EIF2B1: variants seen among roughly 807,000 people sequenced by gnomAD.
EIF2B1 encodes eukaryotic translation initiation factor 2B subunit alpha.
In EIF2B1, 30 loss-of-function variants were observed where a neutral mutation model predicts 36.8. The ratio of observed to expected loss-of-function variants is 0.81; its 90% CI spans 0.61 to 1.10. The LOEUF is 1.10. EIF2B1 is among the 50% of genes least tolerant of loss of function. The pLI, the probability that EIF2B1 is intolerant of heterozygous loss-of-function variation, is 0.00. For missense variants in EIF2B1, 271 were observed against 374.8 expected, an observed-to-expected ratio of 0.72 and a Z score of 2.29; for synonymous variants, 139 against 142.2, an observed-to-expected ratio of 0.98 and a Z score of 0.16.
chr12:123,633,554 C>G lies in EIF2B1; in HGVS notation c.4G>C (p.Asp2His). 1 of 1,612,856 alleles carries G rather than the reference C, an allele frequency of 6.2e-7. No homozygotes were observed. The highest frequency in any genetic ancestry group is 1.7e-4 in the Middle Eastern group (1 of 6,054). M[D>H]DKELIEYFKS... ...GCCTGTCTTGATTTACCCTTGTCGT[C>G]CATGGCGTCCTCCTGCTGCGGAGCC... Residue 2 changes from aspartate to histidine, a missense_variant, in exon 1 of 9, where the codon GAC becomes CAC. Coordinates refer to ENST00000424014, the MANE Select transcript of EIF2B1 (RefSeq NM_001414.4).
Position 123,624,780 on chromosome 12 carries a change from C to T in EIF2B1, c.627+7G>A, listed in dbSNP as rs762734045. 5 of 1,613,306 alleles carry T rather than the reference C, an allele frequency of 3.1e-6. No homozygotes were observed. Among genetic ancestry groups the T allele is most frequent in the South Asian group, 2.2e-5 (2 of 91,058 alleles). On this transcript the variant is annotated splice_region_variant and intron_variant, in intron 7 of 8. Coordinates refer to ENST00000424014, the MANE Select transcript of EIF2B1 (RefSeq NM_001414.4). ...AGCAGGGAACTGGGGAGAACTGATG[C>T]TCTTACCTTGTTAATAATTCCTCCG...
intron 8 of EIF2B1, 55 bp from the exon 9 acceptor site, chr12:123,621,975 T>C (rs1955104426): frequency 1.9e-6 from 3 of 1,602,256 alleles, no homozygotes; most frequent in Middle Eastern, 3.8e-4. Flanking sequence ...TCTGACCTGG[T>C]AGGGCCTTGG....
intron 6 of EIF2B1, among the ~76,000 whole-genome samples, chr12:123,625,129 C>T (rs1955138796): frequency 1.3e-5 from 2 of 152,202 alleles, no homozygotes; most frequent in Admixed American, 1.3e-4. Flanking sequence ...CAAGAATGTC[C>T]TGACACAGCA....
At chr12:123,631,922 C>T (rs779967207) in intron 2 of EIF2B1, among the ~76,000 whole-genome samples, 17 of 151,866 alleles carry the variant, frequency 1.1e-4, no homozygotes, top group East Asian at 1.9e-4. Context: ...TGCAGTGAGC[C>T]GAGATTGTGC....
Position 123,622,708 on chromosome 12 carries a change from ATAGAAAGGT to A in EIF2B1, c.672_680del (p.Lys224_Tyr227delinsAsn). 6.2e-7 allele frequency: 1 copy of A among 1,614,184 alleles called. No individual in the cohort carries two copies. The highest frequency in any genetic ancestry group is 8.5e-7 in the Non-Finnish European group (1 of 1,180,008). ...CAAACTTGAAACTTTCTGCAACCAC[ATAGAAAGGT>A]TTGTTCTGTGCTTTGGCACACACAG... On this transcript the variant is annotated inframe_deletion, in exon 8 of 9. Coordinates refer to ENST00000424014, the MANE Select transcript of EIF2B1 (RefSeq NM_001414.4).
chr12:123,632,750 T>A (rs975918413), intron 1 of EIF2B1, among the ~76,000 whole-genome samples: 72 of 151,300 alleles, frequency 4.8e-4, no homozygotes, highest in Admixed American at 1.6e-3. Flanking sequence ...ATCGAGACCA[T>A]CCCGGCTAAA....
intron 2 of EIF2B1, among the ~76,000 whole-genome samples, chr12:123,631,066 C>G (rs561460731): frequency 6.6e-6 from 1 of 152,304 alleles, no homozygotes; most frequent in South Asian, 2.1e-4. Flanking sequence ...ATAAATAATA[C>G]TAATACCAGA....
intron 4 of EIF2B1, 35 bp from the exon 5 acceptor site, chr12:123,627,191 C>T: frequency 6.5e-7 from 1 of 1,543,702 alleles, no homozygotes; most frequent in Middle Eastern, 2.1e-4. Flanking sequence ...AAGGGGCAGG[C>T]TCCTTGCTGC....
rs921712126 is a variant in EIF2B1 at position 123,633,632 on chromosome 12, G to C, written c.-75C>G. On this transcript the variant is annotated 5_prime_UTR_variant, in exon 1 of 9. Coordinates refer to ENST00000424014, the MANE Select transcript of EIF2B1 (RefSeq NM_001414.4). ...CTCGAACGGGTCCGCCGGCCGCGCCGCCTGCGAGCCAGTCTGACAGCGCGC... is the reference window on the plus strand; with the variant it reads ...CTCGAACGGGTCCGCCGGCCGCGCCCCCTGCGAGCCAGTCTGACAGCGCGC... 4 of 1,591,530 alleles carry C rather than the reference G, an allele frequency of 2.5e-6. No individual in the cohort carries two copies. Among genetic ancestry groups the C allele is most frequent in the Admixed American group, 3.3e-5 (2 of 59,716 alleles).
intron 8 of EIF2B1, among the ~76,000 whole-genome samples, chr12:123,622,278 C>G (rs536039563): frequency 1.3e-5 from 2 of 152,310 alleles, no homozygotes; most frequent in East Asian, 1.9e-4. Context: ...TCAGATACTG[C>G]TATGCCATTT....
At position 123,624,880 on chromosome 12, in the gene EIF2B1, T is replaced by C. The variant is rs879248858; in HGVS notation, c.552-18A>G. 2 of 1,608,538 alleles carry C rather than the reference T, an allele frequency of 1.2e-6. No homozygotes were observed. The highest frequency in any genetic ancestry group is 2.2e-5 in the South Asian group (2 of 90,970). Reference sequence around the variant, plus strand: ...TGATGTAGCTAAGGGGAAAAAAAGCTTTTCATGCTTTATTTTCTTGGCTCT... The same window carrying C: ...TGATGTAGCTAAGGGGAAAAAAAGCCTTTCATGCTTTATTTTCTTGGCTCT... On this transcript the variant is annotated intron_variant, in intron 6 of 8. Transcript: ENST00000424014.
chr12:123,623,092 C>T (rs1420578747), intron 7 of EIF2B1, among the ~76,000 whole-genome samples: 2 of 148,792 alleles, frequency 1.3e-5, no homozygotes, highest in African/African-American at 5.0e-5. Flanking sequence ...TAGAAACAGC[C>T]ACTAGAGGCT....
At position 123,620,493 on chromosome 12, in the gene EIF2B1, T is replaced by C. The variant is rs1593772370; in HGVS notation, c.*1263A>G. ...AAACAATTCCAGTCTTGGAGTAGTC[T>C]AACAGAAGAAAATGTAAAATTATTT... On this transcript the variant is annotated 3_prime_UTR_variant, in exon 9 of 9. Coordinates refer to ENST00000424014, the MANE Select transcript of EIF2B1 (RefSeq NM_001414.4). 2 of 158,936 alleles carry C rather than the reference T, an allele frequency of 1.3e-5. No individual in the cohort carries two copies. 9.8% of individuals were successfully genotyped at this position (158,936 alleles called of 1,614,324 possible).
rs116892341 is a variant in EIF2B1, at chr12:123,621,903, G to A, written c.771C>T (p.Leu257=). The A allele has an allele frequency of 8.4e-5, 135 of 1,614,016 alleles. No individual in the cohort carries two copies. In the East Asian group the frequency reaches 2.8e-3, roughly 34 times the overall value. ...PDKFKYKADT[L]KVAQTGQDLK... ...GGTCTTGTCCAGTCTGCGCGACCTT[G>A]AGAGTGTCTGCCTTATACTGAGGAG... The change falls in exon 9 of 9, where the codon CTC becomes CTT. Residue 257 remains leucine, a synonymous_variant. Coordinates refer to ENST00000424014, the MANE Select transcript of EIF2B1 (RefSeq NM_001414.4).
chr12:123,624,142 T>G (rs1281647364), intron 7 of EIF2B1, among the ~76,000 whole-genome samples: 3 of 148,742 alleles, frequency 2.0e-5, no homozygotes, highest in African/African-American at 7.5e-5. Flanking sequence ...TGTATATATA[T>G]TATGTGTGTG....
Position 123,632,441 on chromosome 12 carries a change from T to C in EIF2B1, c.19A>G (p.Ile7Val), listed in dbSNP as rs1324190572. The C allele has an allele frequency of 1.9e-6, 3 of 1,611,600 alleles. No homozygotes were observed. Among genetic ancestry groups the C allele is most frequent in the Non-Finnish European group, 2.5e-6 (3 of 1,178,418 alleles). MDDKEL[I>V]EYFKSQMKED... ...TTCATCTGAGACTTAAAGTATTCAA[T>C]TAACTCTGGAAAAAGGGAAAAAAGT... Residue 7 changes from isoleucine (I) to valine (V), a missense_variant, in exon 2 of 9, where the codon ATT (isoleucine) becomes GTT (valine). Ile to Val is a conservative substitution (Grantham distance 29). Coordinates refer to ENST00000424014, the MANE Select transcript of EIF2B1 (RefSeq NM_001414.4).
chr12:123,627,051 A>T lies in EIF2B1; in HGVS notation c.475T>A (p.Leu159Met). Residue 159 changes from leucine to methionine, a missense_variant, in exon 5 of 9, where the codon TTG becomes ATG. Coordinates refer to ENST00000424014, the MANE Select transcript of EIF2B1 (RefSeq NM_001414.4). Reference protein sequence around the residue: ...SVYVTESQPDLSGKKMAKALC... With the variant: ...SVYVTESQPDMSGKKMAKALC... ...GAACAGAAAGGTACTTGCCCTGACA[A>T]ATCAGGCTGTGACTCTGTGACGTAT... is the stretch of plus-strand genomic sequence containing the variant. 6.2e-7 allele frequency: 1 copy of T among 1,614,190 alleles called. No individual in the cohort carries two copies. Among genetic ancestry groups the T allele is most frequent in the Admixed American group, 1.7e-5 (1 of 60,012 alleles).
chr12:123,625,650 G>GT (rs1417607637), intron 6 of EIF2B1, among the ~76,000 whole-genome samples: 1 of 152,148 alleles, frequency 6.6e-6, no homozygotes, highest in East Asian at 1.9e-4. Context: ...CACTACTCTT[G>GT]TTTTTTCTTG....
In EIF2B1 at chr12:123,626,607, G is replaced by A. The variant is rs1955150742; in HGVS notation, c.483-114C>T. ...TTGAAACTCACATTAATACTAATGG[G>A]TTAAGGGGCAGATCCCAATACTTTG... On this transcript the variant is annotated intron_variant, in intron 5 of 8. Transcript: ENST00000424014. The A allele has an allele frequency of 1.4e-5, 17 of 1,190,340 alleles. No individual in the cohort carries two copies. The East Asian group carries it at 3.4e-4, about 24-fold the overall frequency. The allele number at this position is 1,190,340 out of a possible 1,614,324, so 73.7% of individuals were successfully genotyped here.
Sources: allele counts gnomAD v4.1 joint callset (sites outside exome capture counted in the v4.1 genomes callset), GRCh38; gene constraint gnomAD v4.1.1; transcripts MANE v1.5; gene names NCBI Gene and HGNC (gene_info 2026-07-23, HGNC 2026-07-21).